The following HBS1L variants were observed in gnomAD, a reference collection of about 807,000 sequenced individuals.
The protein encoded by HBS1L is HBS1-like protein.
HBS1L carries 55 observed loss-of-function variants against 88.9 expected under a neutral mutation model. That is an observed-to-expected ratio of 0.62 (90% CI 0.50 to 0.77). The LOEUF (loss-of-function observed/expected upper bound fraction) is 0.77. HBS1L is among the 30% of genes least tolerant of loss of function. The pLI, the probability that HBS1L is intolerant of heterozygous loss-of-function variation, is 0.00. For missense variants in HBS1L, 741 were observed against 829.3 expected (o/e 0.89, Z 1.31); for synonymous variants, 267 against 288.5 (o/e 0.93, Z 0.76).
At chr6:134,966,095 T>A (rs1836801758) in intron 17 of HBS1L, among the ~76,000 whole-genome samples, 1 of 152,132 alleles carries the variant, frequency 6.6e-6, no homozygotes. Flanking sequence ...AATTTCTTGT[T>A]CTAGTAGCAT....
chr6:135,052,534 T>C (rs985969791), intron 1 of HBS1L, among the ~76,000 whole-genome samples: 1 of 150,372 alleles, frequency 6.7e-6, no homozygotes, highest in Non-Finnish European at 1.5e-5. Context: ...ATCATGCCAC[T>C]GCACTCGCAC....
At chr6:135,049,357 G>T (rs11759999) in intron 2 of HBS1L, among the ~76,000 whole-genome samples, 70,470 of 151,480 alleles carry the variant, frequency 0.47, 16,674 homozygotes, top group South Asian at 0.56. Flanking sequence ...CCCCTCCCAA[G>T]GGCCCCACCT....
intron 8 of HBS1L, among the ~76,000 whole-genome samples, chr6:134,993,003 T>C (rs370635409): frequency 4.6e-5 from 7 of 152,320 alleles, no homozygotes; most frequent in Admixed American, 2.0e-4. Flanking sequence ...TTCTATGATA[T>C]GCTTAGATCA....
At position 135,000,222 on chromosome 6, in the gene HBS1L, A is replaced by ATTTTTTTTTTT. The variant is rs33946758; in HGVS notation, c.539+2501_539+2511dup. On this transcript the variant is annotated intron_variant, in intron 5 of 17. Transcript: ENST00000367837. ...AGGCAAGCACCACTATACCCAGCTA[A>ATTTTTTTTTTT]TTTTTTTTTTTTTTTGGTAGAGATG... is the stretch of plus-strand genomic sequence containing the variant. 1.3e-3 allele frequency among the ~76,000 whole-genome samples: 166 copies of ATTTTTTTTTTT among 129,398 alleles called. 7 individuals are homozygous for ATTTTTTTTTTT. Among genetic ancestry groups the ATTTTTTTTTTT allele is most frequent in the African/African-American group, 5.6e-3 (163 of 28,898 alleles). 84.9% of individuals were successfully genotyped at this position (129,398 alleles called of 152,430 possible).
chr6:135,004,613 CGGAAGTTACCAAAATGAG>C (rs946128770), intron 4 of HBS1L, among the ~76,000 whole-genome samples: 46 of 151,656 alleles, frequency 3.0e-4, no homozygotes, highest in Middle Eastern at 3.4e-3. Flanking sequence ...CTAACGGAGG[CGGAAGTTACCAAAATGAG>C]GTAAGCAAAA....
chr6:134,997,287 C>T (rs1490903540), intron 6 of HBS1L, 110 bp downstream of exon 6: 5 of 1,304,282 alleles, frequency 3.8e-6, no homozygotes, highest in South Asian at 1.3e-5. Context: ...TGCCTCCTTG[C>T]TCTCTGTCCA....
intron 3 of HBS1L, among the ~76,000 whole-genome samples, chr6:135,041,605 T>G (rs1562315037): frequency 6.6e-6 from 1 of 152,162 alleles, no homozygotes; most frequent in Non-Finnish European, 1.5e-5. Flanking sequence ...ACTGGTTTTT[T>G]TTGAAACCTC....
intron 4 of HBS1L, among the ~76,000 whole-genome samples, chr6:135,025,865 A>G (rs1335153199): frequency 5.9e-5 from 9 of 152,204 alleles, no homozygotes; most frequent in Non-Finnish European, 1.2e-4. Flanking sequence ...AATAAAGATG[A>G]TAAAAACAAA....
chr6:134,974,415 T>G (rs911765735), intron 15 of HBS1L, among the ~76,000 whole-genome samples: 23 of 152,088 alleles, frequency 1.5e-4, no homozygotes, highest in African/African-American at 5.3e-4. Flanking sequence ...ATAAAGCCAG[T>G]ATCATCACCC....
intron 5 of HBS1L, among the ~76,000 whole-genome samples, chr6:135,000,371 C>A (rs11754504): frequency 6.6e-6 from 1 of 151,408 alleles, no homozygotes; most frequent in South Asian, 2.1e-4. Context: ...TGTACACTTA[C>A]CTAATATTAT....
chr6:135,022,671 T>C (rs1011206942), intron 4 of HBS1L, among the ~76,000 whole-genome samples: 2 of 152,012 alleles, frequency 1.3e-5, no homozygotes, highest in Non-Finnish European at 2.9e-5. Flanking sequence ...GATGAATAAA[T>C]TAGTGAAAAA....
chr6:135,021,794 G>A (rs1454043674), intron 4 of HBS1L, among the ~76,000 whole-genome samples: 1 of 152,084 alleles, frequency 6.6e-6, no homozygotes, highest in East Asian at 1.9e-4. Flanking sequence ...GTAAAATTAG[G>A]CAATTTATTT....
At chr6:135,003,956 T>G (rs1775538291) in intron 4 of HBS1L, among the ~76,000 whole-genome samples, 1 of 152,200 alleles carries the variant, frequency 6.6e-6, no homozygotes, top group South Asian at 2.1e-4. Flanking sequence ...GACTTTTTTT[T>G]GCATTTGATC....
At chr6:135,015,002 T>C (rs1775881036) in intron 4 of HBS1L, among the ~76,000 whole-genome samples, 1 of 151,884 alleles carries the variant, frequency 6.6e-6, no homozygotes, top group Admixed American at 6.6e-5. Flanking sequence ...GCCACTGTAC[T>C]CCACCCTGAG....
At position 134,997,456 on chromosome 6, in the gene HBS1L, A is replaced by C. The variant is rs747898173; in HGVS notation, c.740T>G (p.Val247Gly). ...TTGCCGCTTCTCCAGTTCCGCCTTC[A>C]CATCTATTTGCTGCCTCAGCTTGCC... ...KSGKLRQQID[V>G]KAELEKRQGG... The change falls in exon 6 of 18, where the codon GTG becomes GGG. Residue 247 changes from valine (V) to glycine (G), a missense_variant. Physicochemically the swap from Val to Gly is moderately radical, Grantham distance 109 (BLOSUM62 -3). Transcript: ENST00000367837. 1 of 1,614,010 alleles carries C rather than the reference A, an allele frequency of 6.2e-7. No individual in the cohort carries two copies. The highest frequency in any genetic ancestry group is 1.7e-5 in the Admixed American group (1 of 59,974).
rs766251088 is a variant in HBS1L, at chr6:134,965,232, G to A, written c.*47C>T. ...TAATAACTGCATTCTTGAAACAGAG[G>A]TTAGCTATTTCACTGTATCCAGAAA... On this transcript the variant is annotated 3_prime_UTR_variant, in exon 18 of 18. Coordinates refer to ENST00000367837, the MANE Select transcript of HBS1L (RefSeq NM_006620.4). 3 of 1,465,530 alleles carry A rather than the reference G, an allele frequency of 2.0e-6. No homozygotes were observed. The highest frequency in any genetic ancestry group is 4.5e-5 in the East Asian group (2 of 43,998). The allele number at this position is 1,465,530 out of a possible 1,614,324, so 90.8% of individuals were successfully genotyped here. A position where few individuals can be genotyped will look rare whatever the true frequency, so the allele number is the denominator to read the frequency against.
chr6:135,001,407 G>T (rs1175569506), intron 5 of HBS1L, among the ~76,000 whole-genome samples: 1 of 152,006 alleles, frequency 6.6e-6, no homozygotes, highest in East Asian at 1.9e-4. Flanking sequence ...TGCATGTTAA[G>T]ACTTCTGAAA....
intron 15 of HBS1L, 120 bp downstream of exon 15, chr6:134,978,559 T>C: frequency 1.9e-6 from 1 of 528,952 alleles, no homozygotes; most frequent in Non-Finnish European, 3.3e-6. Flanking sequence ...TGGATTACAG[T>C]AATAAGATGT....
intron 4 of HBS1L, among the ~76,000 whole-genome samples, chr6:135,030,380 A>T (rs1776350765): frequency 6.6e-6 from 1 of 152,156 alleles, no homozygotes; most frequent in Non-Finnish European, 1.5e-5. Context: ...CTGCAATTCA[A>T]ACAGTGATTA....
Sources: gnomAD v4.1 joint callset for allele counts (sites outside exome capture counted in the v4.1 genomes callset) on GRCh38, gnomAD v4.1.1 for gene constraint, MANE v1.5 for transcripts, NCBI Gene and HGNC (gene_info 2026-07-23, HGNC 2026-07-21) for gene names.